The following CRABP1 variants were observed in gnomAD, a reference collection of about 807,000 sequenced individuals.
The protein encoded by CRABP1 is cellular retinoic acid binding protein 1, also known as cellular retinoic acid-binding protein 1.
In CRABP1, 9 loss-of-function variants were observed where a neutral mutation model predicts 16.4. The observed-to-expected ratio is 0.55, with a 90% CI of 0.33 to 0.96. The LOEUF is 0.96. Ranked by LOEUF, CRABP1 falls within the 40% of genes least tolerant of loss-of-function variation. CRABP1 has a pLI of 0.03. For synonymous variants in CRABP1, 72 were observed against 70.4 expected, an observed-to-expected ratio of 1.02 and a Z score of -0.11; for missense variants, 157 against 186.0, an observed-to-expected ratio of 0.84 and a Z score of 0.91.
chr15:78,347,226 C>A (rs1422814595), intron 3 of CRABP1, among the ~76,000 whole-genome samples: 2 of 152,088 alleles, frequency 1.3e-5, no homozygotes, highest in Non-Finnish European at 2.9e-5. Context: ...CTGGAAGAGC[C>A]TTTGCGATGA....
In CRABP1 at chr15:78,343,592, G is replaced by A; in HGVS notation, c.343G>A (p.Ala115Thr). The change falls in exon 3 of 4, where the codon GCC (alanine) becomes ACC (threonine). Residue 115 changes from alanine to threonine, a missense_variant. Ala to Thr is a moderately conservative substitution (Grantham distance 58). Transcript: ENST00000299529. ...CAAAACCTACTGGACCCGTGAGCTG[G>A]CCAACGATGAACTTATCCTGGTAGG... Reference protein sequence around the residue: ...GPKTYWTRELANDELILTFGA... With the variant: ...GPKTYWTRELTNDELILTFGA... 2 of 1,614,088 alleles carry A rather than the reference G, an allele frequency of 1.2e-6. No individual in the cohort carries two copies. The highest frequency in any genetic ancestry group is 1.1e-5 in the South Asian group (1 of 91,062).
At chr15:78,347,652 A>G (rs2050273951) in intron 3 of CRABP1, among the ~76,000 whole-genome samples, 1 of 151,944 alleles carries the variant, frequency 6.6e-6, no homozygotes, top group Admixed American at 6.6e-5. Flanking sequence ...TAAAACCAAA[A>G]CTCCTGGCAT....
chr15:78,343,833 C>A (rs183327046), intron 3 of CRABP1, among the ~76,000 whole-genome samples: 2 of 152,188 alleles, frequency 1.3e-5, no homozygotes, highest in African/African-American at 4.8e-5. Flanking sequence ...GGAATAGGGG[C>A]TGGAGACAGG....
chr15:78,340,936 A>G, intron 1 of CRABP1, 107 bp from the exon 2 acceptor site: 1 of 1,154,952 alleles, frequency 8.7e-7, no homozygotes, highest in East Asian at 2.6e-5. Context: ...AAACGAGTGG[A>G]TCAATTTTAA....
chr15:78,340,377 T>A lies in CRABP1; in HGVS notation c.-52T>A, dbSNP rs986929269. On this transcript the variant is annotated 5_prime_UTR_variant, in exon 1 of 4. Transcript: ENST00000299529. ...CAGTCTCCGCCTTGCGAGCTCAGAG[T>A]GTGCCCGCTGCGCCGCCGCTGTCCG... The A allele has an allele frequency of 2.6e-6, 4 of 1,552,638 alleles. No homozygotes were observed. The highest frequency in any genetic ancestry group is 3.5e-6 in the Non-Finnish European group (4 of 1,148,398).
At position 78,347,950 on chromosome 15, in the gene CRABP1, C is replaced by T. The variant is rs1418237520; in HGVS notation, c.387C>T (p.Val129=). 1 of 1,614,174 alleles carries T rather than the reference C, an allele frequency of 6.2e-7. No homozygotes were observed. Among genetic ancestry groups the T allele is most frequent in the Non-Finnish European group, 8.5e-7 (1 of 1,180,028 alleles). The part of the protein sequence containing the change: ...LILTFGADDV[V]CTRIYVRE ...AGACGTTTGGCGCCGATGACGTGGT[C>T]TGCACCAGAATTTATGTCCGAGAGT... Residue 129 remains valine (V), a synonymous_variant, in exon 4 of 4, where the codon GTC becomes GTT. Transcript: ENST00000299529.
intron 3 of CRABP1, 124 bp downstream of exon 3, chr15:78,343,736 A>C: frequency 1.5e-6 from 1 of 680,804 alleles, no homozygotes; most frequent in Non-Finnish European, 2.5e-6. Flanking sequence ...CTGGATTAAA[A>C]TTAGAGCAGA....
chr15:78,342,937 C>A (rs756919821), intron 2 of CRABP1, among the ~76,000 whole-genome samples: 22 of 151,958 alleles, frequency 1.4e-4, no homozygotes, highest in Non-Finnish European at 2.9e-4. Context: ...CCTGGTGAAA[C>A]CCCATCTGTA....
At position 78,341,691 on chromosome 15, in the gene CRABP1, G is replaced by T. The variant is rs868555981; in HGVS notation, c.249+470G>T. 6 of 194,494 alleles carry T rather than the reference G, an allele frequency of 3.1e-5. No individual in the cohort carries two copies. In the South Asian group the frequency reaches 5.4e-4, roughly 17 times the overall value. 12.0% of individuals were successfully genotyped at this position (194,494 alleles called of 1,614,324 possible). On this transcript the variant is annotated intron_variant, in intron 2 of 3. Coordinates refer to ENST00000299529, the MANE Select transcript of CRABP1 (RefSeq NM_004378.3). This position sits in a 1 kb window ranked among gnomAD's most constrained non-coding sequence, Gnocchi z 5.3. ...CTCTGGATACAGTTTTAGCAGTCCC[G>T]ATGGCCCCGTCACCTCTCCCTTCCC...
At chr15:78,340,883 T>C in intron 1 of CRABP1, 160 bp from the exon 2 acceptor site, 2 of 742,748 alleles carry the variant, frequency 2.7e-6, no homozygotes, top group Non-Finnish European at 4.3e-6. Context: ...TTACCCTCTC[T>C]GTGCCTCAGT....
At chr15:78,344,887 G>A (rs181636518) in intron 3 of CRABP1, among the ~76,000 whole-genome samples, 1 of 151,762 alleles carries the variant, frequency 6.6e-6, no homozygotes, top group East Asian at 1.9e-4. Context: ...CTGCACTCTA[G>A]CCTGGGCAAC....
chr15:78,341,150 C>G lies in CRABP1; in HGVS notation c.178C>G (p.Arg60Gly), dbSNP rs1440671442. 4 of 1,612,790 alleles carry G rather than the reference C, an allele frequency of 2.5e-6. No homozygotes were observed. The highest frequency in any genetic ancestry group is 3.4e-6 in the Non-Finnish European group (4 of 1,179,540). The change falls in exon 2 of 4, where the codon CGC (arginine) becomes GGC (glycine). Residue 60 changes from arginine (R) to glycine (G), a missense_variant. Coordinates refer to ENST00000299529, the MANE Select transcript of CRABP1 (RefSeq NM_004378.3). This position sits in a 1 kb window ranked among gnomAD's most constrained non-coding sequence, Gnocchi z 5.3. ...QFYIKTSTTVRTTEINFKVGE... is the reference protein window; with the variant it reads ...QFYIKTSTTVGTTEINFKVGE... ...CTACATCAAGACATCCACCACGGTG[C>G]GCACCACTGAGATCAACTTCAAGGT...
Position 78,343,510 on chromosome 15 carries a change from T to G in CRABP1, c.261T>G (p.Thr87=). Residue 87 remains threonine (T), a synonymous_variant, in exon 3 of 4, where the codon ACT becomes ACG. Coordinates refer to ENST00000299529, the MANE Select transcript of CRABP1 (RefSeq NM_004378.3). ...TTTCCCGCCTGCAGAGTTTAGCCACTTGGGAGAATGAGAACAAGATCCACT... is the reference window on the plus strand; with the variant it reads ...TTTCCCGCCTGCAGAGTTTAGCCACGTGGGAGAATGAGAACAAGATCCACT... ...VDGRKCRSLA[T]WENENKIHCT... The G allele has an allele frequency of 1.2e-6, 2 of 1,614,062 alleles. No homozygotes were observed. The highest frequency in any genetic ancestry group is 1.3e-5 in the African/African-American group (1 of 75,038).
chr15:78,343,813 C>G (rs947229125), intron 3 of CRABP1, among the ~76,000 whole-genome samples: 4 of 152,190 alleles, frequency 2.6e-5, no homozygotes, highest in African/African-American at 9.7e-5. Flanking sequence ...AGAGGAGTGG[C>G]TCAGAGGATG....
In CRABP1 at chr15:78,341,426, C is replaced by T; in HGVS notation, c.249+205C>T. ...GTATTACCTTCATTCCATCTCAACCCCATCCCTACGCTGCCTCCCGGGGTG... is the reference window on the plus strand; with the variant it reads ...GTATTACCTTCATTCCATCTCAACCTCATCCCTACGCTGCCTCCCGGGGTG... On this transcript the variant is annotated intron_variant, in intron 2 of 3. Coordinates refer to ENST00000299529, the MANE Select transcript of CRABP1 (RefSeq NM_004378.3). The surrounding 1 kb of genome is among the most constrained non-coding windows in gnomAD (Gnocchi z 5.3). 3.2e-6 allele frequency: 2 copies of T among 617,556 alleles called. No homozygotes were observed. Among genetic ancestry groups the T allele is most frequent in the East Asian group, 6.0e-5 (2 of 33,362 alleles). 38.3% of individuals were successfully genotyped at this position (617,556 alleles called of 1,614,324 possible).
At position 78,341,991 on chromosome 15, in the gene CRABP1, C is replaced by T. The variant is rs2050238104; in HGVS notation, c.249+770C>T. 6.6e-6 allele frequency among the ~76,000 whole-genome samples: 1 copy of T among 151,794 alleles called. No homozygotes were observed. The highest frequency in any genetic ancestry group is 6.6e-5 in the Admixed American group (1 of 15,258). ...AAAAAGTGACAGAATGTCTCCCTCC[C>T]CTTCTCCAATTTTTTTTTTTTAAAG... On this transcript the variant is annotated intron_variant, in intron 2 of 3. Coordinates refer to ENST00000299529, the MANE Select transcript of CRABP1 (RefSeq NM_004378.3). This position sits in a 1 kb window ranked among gnomAD's most constrained non-coding sequence, Gnocchi z 5.3.
chr15:78,342,830 G>A (rs766931329), intron 2 of CRABP1, among the ~76,000 whole-genome samples: 1 of 152,168 alleles, frequency 6.6e-6, no homozygotes, highest in Non-Finnish European at 1.5e-5. Context: ...TACAAACTTG[G>A]TGTCTTAACT....
Position 78,341,178 on chromosome 15 carries a change from G to T in CRABP1, c.206G>T (p.Gly69Val). 6.2e-7 allele frequency: 1 copy of T among 1,612,866 alleles called. No individual in the cohort carries two copies. The highest frequency in any genetic ancestry group is 8.5e-7 in the Non-Finnish European group (1 of 1,179,554). ...ACCACTGAGATCAACTTCAAGGTCG[G>T]AGAAGGCTTTGAGGAGGAGACCGTG... ...VRTTEINFKV[G>V]EGFEEETVDG... is the part of the protein sequence containing the mutation. Residue 69 changes from glycine (G) to valine (V), a missense_variant, in exon 2 of 4, where the codon GGA becomes GTA. Transcript: ENST00000299529. The surrounding 1 kb of genome is among the most constrained non-coding windows in gnomAD (Gnocchi z 5.3).
At chr15:78,340,553 T>TGGTCCCGGAAGTGCCCC (rs1567138504) in intron 1 of CRABP1, 55 bp downstream of exon 1, 4 of 1,572,982 alleles carry the variant, frequency 2.5e-6, no homozygotes, top group South Asian at 2.3e-5. Flanking sequence ...GGAGGTGCCC[T>TGGTCCCGGAAGTGCCCC]GGTCCCGGAA....
Sources: gnomAD v4.1 joint callset for allele counts (sites outside exome capture counted in the v4.1 genomes callset) on GRCh38, gnomAD v4.1.1 for gene constraint, Gnocchi (gnomAD v3.1) non-coding constraint, MANE v1.5 for transcripts, NCBI Gene and HGNC (gene_info 2026-07-23, HGNC 2026-07-21) for gene names.